Variants in MTUS1 observed in about 807,000 individuals in gnomAD.
The protein encoded by MTUS1 is microtubule associated scaffold protein 1, also known as microtubule-associated tumor suppressor 1.
In MTUS1, 109 loss-of-function variants were observed where a neutral mutation model predicts 120.8. The observed-to-expected ratio is 0.90, with a 90% CI of 0.77 to 1.06. MTUS1 has a LOEUF of 1.06. Ranked by LOEUF, MTUS1 falls within the 50% of genes least tolerant of loss-of-function variation. The pLI is 0.00. For synonymous variants in MTUS1, 737 were observed against 550.5 expected, an observed-to-expected ratio of 1.34 and a Z score of -4.74; for missense variants, 2,210 against 1,486.3, an observed-to-expected ratio of 1.49 and a Z score of -8.01.
chr8:17,649,541 T>C (rs913016491), intron 13 of MTUS1, among the ~76,000 whole-genome samples: 3 of 152,202 alleles, frequency 2.0e-5, no homozygotes, highest in Admixed American at 6.5e-5. Flanking sequence ...TACATAGATA[T>C]TTAAACATTT....
chr8:17,688,549 G>C (rs1413163991), intron 6 of MTUS1, among the ~76,000 whole-genome samples: 1 of 152,178 alleles, frequency 6.6e-6, no homozygotes, highest in Non-Finnish European at 1.5e-5. Context: ...CTAGCGGCAT[G>C]GACAGACAGA....
chr8:17,643,886 C>T lies in MTUS1; in HGVS notation c.*2040G>A, dbSNP rs549770906. ...CTGAGCACAACTACAGTTGTCTACA[C>T]ATTCATATTTTTGACGTGCCAACAT... On this transcript the variant is annotated 3_prime_UTR_variant, in exon 15 of 15. Coordinates refer to ENST00000693296, the MANE Select transcript of MTUS1 (RefSeq NM_001363059.2). The T allele has an allele frequency of 3.9e-5, 6 of 152,324 alleles. No homozygotes were observed. Among genetic ancestry groups the T allele is most frequent in the South Asian group, 4.1e-4 (2 of 4,824 alleles). The allele number at this position is 152,324 out of a possible 1,614,324, so 9.4% of individuals were successfully genotyped here.
intron 4 of MTUS1, among the ~76,000 whole-genome samples, chr8:17,718,701 T>C (rs78335589): frequency 0.049 from 7,393 of 152,102 alleles, 203 homozygotes; most frequent in South Asian, 0.083. Context: ...TTGTCATCTT[T>C]GGTCCCAACT....
chr8:17,662,420 A>G (rs565021104), intron 8 of MTUS1, among the ~76,000 whole-genome samples: 1 of 138,740 alleles, frequency 7.2e-6, no homozygotes, highest in South Asian at 2.3e-4. Context: ...CAGTGGCACG[A>G]TCTCGGCTCA....
At chr8:17,650,009 A>G (rs781607741) in intron 12 of MTUS1, 47 bp from the exon 13 acceptor site, 1 of 967,874 alleles carries the variant, frequency 1.0e-6, no homozygotes, top group South Asian at 1.3e-5. Flanking sequence ...CATAGTTCAA[A>G]TTCTTAACAG....
chr8:17,705,825 G>T (rs191708908), intron 6 of MTUS1: 1 of 152,266 alleles, frequency 6.6e-6, no homozygotes, highest in Admixed American at 6.5e-5. Context: ...TCTGGCACCT[G>T]AGAGTGATGA....
chr8:17,668,219 AT>A (rs1451153483), intron 8 of MTUS1, among the ~76,000 whole-genome samples: 3 of 152,144 alleles, frequency 2.0e-5, no homozygotes, highest in Non-Finnish European at 4.4e-5. Context: ...AGATGTGTGA[AT>A]TTTTTTCTTT....
In MTUS1 at chr8:17,793,001, C is replaced by T. The variant is rs138453754; in HGVS notation, c.-155+8060G>A. 2.1e-3 allele frequency among the ~76,000 whole-genome samples: 324 copies of T among 152,264 alleles called. 2 individuals are homozygous for T. Among genetic ancestry groups the T allele is most frequent in the African/African-American group, 7.6e-3 (315 of 41,544 alleles). ...ATAAATGCAAAACTACTCTGAAACA[C>T]AAATCTTATTAGATGTAATGAGAAA... On this transcript the variant is annotated intron_variant, in intron 1 of 14. Transcript: ENST00000693296.
intron 5 of MTUS1, among the ~76,000 whole-genome samples, chr8:17,715,365 C>G (rs1206922778): frequency 1.3e-5 from 2 of 152,110 alleles, no homozygotes; most frequent in African/African-American, 4.8e-5. Flanking sequence ...AGATAAAGAA[C>G]ATTTAGAGGA....
intron 1 of MTUS1, among the ~76,000 whole-genome samples, chr8:17,785,908 G>A (rs946575294): frequency 6.6e-6 from 1 of 152,152 alleles, no homozygotes; most frequent in Non-Finnish European, 1.5e-5. Context: ...ACTTTGGGAG[G>A]CCAAAACAAG....
chr8:17,699,800 G>A (rs1005092023), intron 6 of MTUS1, among the ~76,000 whole-genome samples: 1 of 152,134 alleles, frequency 6.6e-6, no homozygotes, highest in Non-Finnish European at 1.5e-5. Flanking sequence ...ATAAACAAAT[G>A]GCCATCGCTT....
In MTUS1 at chr8:17,697,334, C is replaced by T. The variant is rs778125533; in HGVS notation, c.2624-12792G>A. ...TCGAAGCAATCCTTTGGCCGTCAGT[C>T]GTATGTGAATGGTGGATAAGGAGAA... On this transcript the variant is annotated intron_variant, in intron 6 of 14. Coordinates refer to ENST00000693296, the MANE Select transcript of MTUS1 (RefSeq NM_001363059.2). 9.9e-6 allele frequency: 16 copies of T among 1,613,976 alleles called. No individual in the cohort carries two copies. The Admixed American group carries it at 2.0e-4, about 20-fold the overall frequency.
intron 8 of MTUS1, among the ~76,000 whole-genome samples, chr8:17,672,841 C>A (rs915507028): frequency 6.6e-6 from 1 of 152,216 alleles, no homozygotes; most frequent in Admixed American, 6.5e-5. Context: ...CAGACTGTTA[C>A]AGCTATTTCC....
rs61733703 is a variant in MTUS1, at chr8:17,755,585, G to A, written c.223C>T (p.Gln75Ter). ...VTGENISLSL[Q>*]GVEVFGHEKS... Reference sequence around the variant, plus strand: ...TCATGACCAAATACTTCAACACCCTGAAGGCTTAAAGAAATATTTTCACCA... The same window carrying A: ...TCATGACCAAATACTTCAACACCCTAAAGGCTTAAAGAAATATTTTCACCA... Residue 75 changes from glutamine to a stop codon, truncating the protein, a stop_gained, in exon 2 of 15, where the codon CAG (glutamine) becomes TAG (stop). Transcript: ENST00000693296. LOFTEE classifies it high-confidence loss of function. 4 of 1,614,014 alleles carry A rather than the reference G, an allele frequency of 2.5e-6. No individual in the cohort carries two copies. The African/African-American group carries it at 5.3e-5, about 22-fold the overall frequency.
chr8:17,769,221 T>C (rs1021671983), intron 1 of MTUS1, among the ~76,000 whole-genome samples: 9 of 132,972 alleles, frequency 6.8e-5, no homozygotes, highest in Admixed American at 5.2e-4. Context: ...TTCCAAAAAA[T>C]GCTTTTATTC....
At chr8:17,769,934 G>T (rs2049899145) in intron 1 of MTUS1, among the ~76,000 whole-genome samples, 3 of 147,474 alleles carry the variant, frequency 2.0e-5, no homozygotes, top group Non-Finnish European at 3.0e-5. Context: ...ACACGGGGGG[G>T]GTTGGGGGGG....
intron 1 of MTUS1, among the ~76,000 whole-genome samples, chr8:17,794,345 GA>G (rs755345408): frequency 4.7e-5 from 7 of 150,432 alleles, no homozygotes; most frequent in African/African-American, 1.2e-4. Context: ...AAAGATAAAA[GA>G]AAAAAAAATC....
intron 1 of MTUS1, among the ~76,000 whole-genome samples, chr8:17,775,390 C>T (rs1381722309): frequency 6.6e-6 from 1 of 152,106 alleles, no homozygotes; most frequent in African/African-American, 2.4e-5. Context: ...CCTCCGGGAT[C>T]CTGAAACTTC....
At position 17,754,761 on chromosome 8, in the gene MTUS1, T is replaced by C. The variant is rs747240254; in HGVS notation, c.1047A>G (p.Glu349=). 1.9e-6 allele frequency: 3 copies of C among 1,614,260 alleles called. No homozygotes were observed. The highest frequency in any genetic ancestry group is 1.6e-4 in the Middle Eastern group (1 of 6,062). The change falls in exon 2 of 15, where the codon GAA becomes GAG. Residue 349 remains glutamate (E), a synonymous_variant. Transcript: ENST00000693296. ...ETVSYCLIDD[E]CPLMVPAFDK... ...CAAAAGCTGGCACCATTAAAGGGCATTCATCATCAATAAGACAATAGGACA... is the reference window on the plus strand; with the variant it reads ...CAAAAGCTGGCACCATTAAAGGGCACTCATCATCAATAAGACAATAGGACA...
Sources: allele counts gnomAD v4.1 joint callset (sites outside exome capture counted in the v4.1 genomes callset), GRCh38; gene constraint gnomAD v4.1.1; transcripts MANE v1.5; gene names NCBI Gene and HGNC (gene_info 2026-07-23, HGNC 2026-07-21).